Variants in NADK2 observed in about 807,000 individuals in gnomAD.
The protein encoded by NADK2 is NAD kinase domain-containing protein 1, mitochondrial.
Under a neutral mutation model 62.1 loss-of-function variants are expected in NADK2, and 35 were observed. The ratio of observed to expected loss-of-function variants is 0.56; its 90% CI spans 0.43 to 0.75. The LOEUF (loss-of-function observed/expected upper bound fraction) is 0.75, where lower values mean the gene tolerates loss of function less well. NADK2 is among the 30% of genes least tolerant of loss of function. NADK2 has a pLI of 0.00. For synonymous variants in NADK2, 205 were observed against 207.9 expected (o/e 0.99, Z 0.12); for missense variants, 439 against 561.3 (o/e 0.78, Z 2.20).
Position 36,241,093 on chromosome 5 carries a change from G to C in NADK2, c.300+406C>G, listed in dbSNP as rs1326101282. On this transcript the variant is annotated intron_variant, in intron 1 of 11. Transcript: ENST00000381937. This position sits in a 1 kb window ranked among gnomAD's most constrained non-coding sequence, Gnocchi z 4.9. ...CGGCGGCCAGGGGAGCTGTTCGCAG[G>C]GCGTCCAGACCTCAGGCCACTGGCT... is the stretch of plus-strand genomic sequence containing the variant. 6.6e-6 allele frequency among the ~76,000 whole-genome samples: 1 copy of C among 152,052 alleles called. No homozygotes were observed. Among genetic ancestry groups the C allele is most frequent in the African/African-American group, 2.4e-5 (1 of 41,380 alleles).
rs1191001603 is a variant in NADK2 at position 36,226,532 on chromosome 5, T to G, written c.421A>C (p.Arg141=). The change falls in exon 3 of 12, where the codon AGG becomes CGG. Residue 141 remains arginine (R), a synonymous_variant. Coordinates refer to ENST00000381937, the MANE Select transcript of NADK2 (RefSeq NM_001085411.3). Reference sequence around the variant, plus strand: ...ACAGTCTCTTCATCATATTCTCTCCTCTTTACTAGACGAACCTCAATTCCC... The same window carrying G: ...ACAGTCTCTTCATCATATTCTCTCCGCTTTACTAGACGAACCTCAATTCCC... ...NEGIEVRLVK[R]REYDEETVRW... The G allele has an allele frequency of 2.0e-5, 32 of 1,612,922 alleles. No homozygotes were observed. Among genetic ancestry groups the G allele is most frequent in the Non-Finnish European group, 2.7e-5 (32 of 1,179,518 alleles).
At chr5:36,215,153 TCTC>T (rs1304862041) in intron 6 of NADK2, among the ~76,000 whole-genome samples, 1 of 152,122 alleles carries the variant, frequency 6.6e-6, no homozygotes, top group Non-Finnish European at 1.5e-5. Context: ...GCTCCAGTCA[TCTC>T]CTCCTCCTCT....
chr5:36,237,896 C>A (rs763859022), intron 1 of NADK2, among the ~76,000 whole-genome samples: 1 of 152,056 alleles, frequency 6.6e-6, no homozygotes, highest in Non-Finnish European at 1.5e-5. Flanking sequence ...CAGAGTCTTG[C>A]GGGGCTAAGG....
chr5:36,232,004 G>A (rs968218873), intron 1 of NADK2, among the ~76,000 whole-genome samples: 14 of 145,094 alleles, frequency 9.6e-5, no homozygotes, highest in African/African-American at 4.0e-4. Context: ...GAGATCTACA[G>A]ACAGACAGAC....
intron 4 of NADK2, among the ~76,000 whole-genome samples, chr5:36,222,287 A>T (rs1747302070): frequency 6.6e-6 from 1 of 151,710 alleles, no homozygotes; most frequent in African/African-American, 2.4e-5. Flanking sequence ...CTTCTGGAGA[A>T]CTCTTTCACC....
At chr5:36,206,501 G>A (rs1579604582) in intron 8 of NADK2, among the ~76,000 whole-genome samples, 1 of 151,172 alleles carries the variant, frequency 6.6e-6, no homozygotes. Context: ...TATATAGAGG[G>A]GAGAATGAAG....
At position 36,224,810 on chromosome 5, in the gene NADK2, G is replaced by A. The variant is rs529835972; in HGVS notation, c.560+732C>T. Among the ~76,000 whole-genome samples the A allele has an allele frequency of 2.0e-5, 3 of 152,216 alleles. No homozygotes were observed. In the South Asian group the frequency reaches 6.2e-4, roughly 32 times the overall value. On this transcript the variant is annotated intron_variant, in intron 4 of 11. Coordinates refer to ENST00000381937, the MANE Select transcript of NADK2 (RefSeq NM_001085411.3). ...GTACAGTCATGGCTGTGGGTGGCTA[G>A]AACAGAATGAGGGTAAATATCACGA...
At chr5:36,220,299 C>T (rs1306544923) in intron 4 of NADK2, among the ~76,000 whole-genome samples, 2 of 152,172 alleles carry the variant, frequency 1.3e-5, no homozygotes, top group African/African-American at 4.8e-5. Flanking sequence ...GAGTTCATAG[C>T]TTGATGTGGA....
rs545981540 is a variant in NADK2 at position 36,219,822 on chromosome 5, C to T, written c.561-143G>A. ...TGTCTACCCTATATTCCATTTTTTGCCACAAAATTGTGTTCTTTAAATAAA... is the reference window on the plus strand; with the variant it reads ...TGTCTACCCTATATTCCATTTTTTGTCACAAAATTGTGTTCTTTAAATAAA... On this transcript the variant is annotated intron_variant, in intron 4 of 11. Coordinates refer to ENST00000381937, the MANE Select transcript of NADK2 (RefSeq NM_001085411.3). 98 of 604,606 alleles carry T rather than the reference C, an allele frequency of 1.6e-4. 1 individual carries two copies. In the East Asian group the frequency reaches 2.8e-3, roughly 17 times the overall value. 37.5% of individuals were successfully genotyped at this position (604,606 alleles called of 1,614,324 possible). A position where few individuals can be genotyped will look rare whatever the true frequency, so the allele number is the denominator to read the frequency against.
rs74706404 is a variant in NADK2, at chr5:36,203,689, T to C, written c.957-2528A>G. Reference sequence around the variant, plus strand: ...CTGGGTGCATGTGGGAGGCGAGGAATGCTTTAAAAGCATTGTAGTGGCTGT... The same window carrying C: ...CTGGGTGCATGTGGGAGGCGAGGAACGCTTTAAAAGCATTGTAGTGGCTGT... On this transcript the variant is annotated intron_variant, in intron 8 of 11. Transcript: ENST00000381937. 3.6e-3 allele frequency among the ~76,000 whole-genome samples: 543 copies of C among 152,208 alleles called. 1 individual carries two copies. Among genetic ancestry groups the C allele is most frequent in the African/African-American group, 0.013 (521 of 41,546 alleles).
chr5:36,241,818 G>T lies in NADK2; in HGVS notation c.-20C>A, dbSNP rs1370511114. 1 of 1,296,354 alleles carries T rather than the reference G, an allele frequency of 7.7e-7. No homozygotes were observed. Among genetic ancestry groups the T allele is most frequent in the Non-Finnish European group, 9.8e-7 (1 of 1,023,942 alleles). 80.3% of individuals were successfully genotyped at this position (1,296,354 alleles called of 1,614,324 possible). On this transcript the variant is annotated 5_prime_UTR_variant, in exon 1 of 12. Transcript: ENST00000381937. The surrounding 1 kb of genome is among the most constrained non-coding windows in gnomAD (Gnocchi z 4.9). ...AGTCATCGTGGGCCGGGCCGCGGCC[G>T]CGGGCTTGGGCTCGGGCCCCTTGCC...
At chr5:36,235,503 T>A (rs10737962) in intron 1 of NADK2, among the ~76,000 whole-genome samples, 140,801 of 152,224 alleles carry the variant, frequency 0.92, 65,606 homozygotes, top group Non-Finnish European at 0.98. Context: ...AGAGACTGAT[T>A]CAGAGAGGTT....
intron 7 of NADK2, among the ~76,000 whole-genome samples, chr5:36,210,999 G>T (rs1746819568): frequency 6.6e-6 from 1 of 151,992 alleles, no homozygotes; most frequent in Non-Finnish European, 1.5e-5. Context: ...CATCTCTAAA[G>T]AATAAAAATA....
intron 7 of NADK2, among the ~76,000 whole-genome samples, chr5:36,209,036 C>G (rs1047727476): frequency 1.3e-5 from 2 of 152,126 alleles, no homozygotes; most frequent in African/African-American, 4.8e-5. Context: ...GCCTGACACA[C>G]AGCAGGCATC....
At chr5:36,230,794 T>TA (rs908250631) in intron 1 of NADK2, among the ~76,000 whole-genome samples, 31 of 20,896 alleles carry the variant, frequency 1.5e-3, no homozygotes, top group Non-Finnish European at 0.012. Context: ...AGTTAAGCTC[T>TA]AAAAAAAATT....
chr5:36,209,211 AAGC>A (rs977376160), intron 7 of NADK2, among the ~76,000 whole-genome samples: 3 of 152,162 alleles, frequency 2.0e-5, no homozygotes, highest in Admixed American at 6.6e-5. Flanking sequence ...AGAACACAAA[AAGC>A]AGCAGCATCA....
At chr5:36,200,362 AATGCTTAAAGTG>A in intron 9 of NADK2, 82 bp from the exon 10 acceptor site, 1 of 817,314 alleles carries the variant, frequency 1.2e-6, no homozygotes. Flanking sequence ...AAGGGGGAAA[AATGCTTAAAGTG>A]TATATGTGTT....
intron 1 of NADK2, among the ~76,000 whole-genome samples, chr5:36,238,245 C>T (rs1354785600): frequency 6.6e-6 from 1 of 152,176 alleles, no homozygotes; most frequent in East Asian, 1.9e-4. Context: ...CAACCTAAGC[C>T]ACAAAATCTT....
chr5:36,199,240 T>G (rs1746351552), intron 10 of NADK2, among the ~76,000 whole-genome samples: 1 of 152,030 alleles, frequency 6.6e-6, no homozygotes, highest in Non-Finnish European at 1.5e-5. Context: ...TATTGCTAAC[T>G]CATGTTAAGG....
Sources: allele counts gnomAD v4.1 joint callset (sites outside exome capture counted in the v4.1 genomes callset), GRCh38; gene constraint gnomAD v4.1.1; non-coding constraint Gnocchi (gnomAD v3.1); transcripts MANE v1.5; gene names NCBI Gene and HGNC (gene_info 2026-07-23, HGNC 2026-07-21).